Variants in XRN1 observed in about 807,000 individuals in gnomAD.
The protein encoded by XRN1 is 5'-3' exoribonuclease 1.
In XRN1, 67 loss-of-function variants were observed where a neutral mutation model predicts 222.3. That is an observed-to-expected ratio of 0.30 (90% CI 0.25 to 0.37). The LOEUF (loss-of-function observed/expected upper bound fraction) is 0.37, where lower values mean the gene tolerates loss of function less well. XRN1 is among the 10% of genes least tolerant of loss of function. The probability of loss-of-function intolerance (pLI) is 1.00; values close to 1 mark genes in which losing one functional copy is unlikely to be tolerated. For missense variants in XRN1, 1,707 were observed against 2,000.2 expected (o/e 0.85, Z 2.80); for synonymous variants, 643 against 652.4 (o/e 0.99, Z 0.22).
chr3:142,390,316 A>G (rs1383133251), intron 20 of XRN1, among the ~76,000 whole-genome samples: 2 of 152,196 alleles, frequency 1.3e-5, no homozygotes, highest in Non-Finnish European at 2.9e-5. Context: ...TCTTATTCCA[A>G]TAGAAGGCTG....
rs2065010215 is a variant in XRN1, at chr3:142,308,327, T to C, written c.*3184A>G. 1 of 152,108 alleles carries C rather than the reference T, an allele frequency of 6.6e-6. No individual in the cohort carries two copies. The highest frequency in any genetic ancestry group is 1.9e-4 in the East Asian group (1 of 5,188). The allele number at this position is 152,108 out of a possible 1,614,324, so 9.4% of individuals were successfully genotyped here. A position where few individuals can be genotyped will look rare whatever the true frequency, so the allele number is the denominator to read the frequency against. On this transcript the variant is annotated 3_prime_UTR_variant, in exon 41 of 41. Coordinates refer to ENST00000392981, the MANE Select transcript of XRN1 (RefSeq NM_001282857.2). The stretch of plus-strand genomic sequence containing the variant: ...CCTCCTCTCATTAAAACCAAGAATC[T>C]AGCTTAGTTTGGAAGTAGCAGTCTA...
chr3:142,385,768 G>C (rs1026892564), intron 20 of XRN1, among the ~76,000 whole-genome samples: 19 of 151,792 alleles, frequency 1.3e-4, no homozygotes, highest in Admixed American at 6.6e-4. Flanking sequence ...TTAAAATTCT[G>C]ATATTATTTT....
rs1304499532 is a variant in XRN1, at chr3:142,403,988, A to G, written c.1885T>C (p.Tyr629His). The change falls in exon 17 of 41, where the codon TAT becomes CAT. Residue 629 changes from tyrosine (Y) to histidine (H), a missense_variant and splice_region_variant. Coordinates refer to ENST00000392981, the MANE Select transcript of XRN1 (RefSeq NM_001282857.2). ...FPAIERCCTR[Y>H]KIISLDAWRV... ...CAAGCATCTAAGGATATTATTTTAT[A>G]CCTAGAAAATAAATCAAGGCATTTA... 1 of 1,565,526 alleles carries G rather than the reference A, an allele frequency of 6.4e-7. No individual in the cohort carries two copies. Among genetic ancestry groups the G allele is most frequent in the Admixed American group, 1.7e-5 (1 of 58,120 alleles).
At chr3:142,403,125 T>G (rs922350065) in intron 18 of XRN1, among the ~76,000 whole-genome samples, 4 of 152,242 alleles carry the variant, frequency 2.6e-5, no homozygotes, top group African/African-American at 9.6e-5. Flanking sequence ...CGACATAATC[T>G]GGCCTCAATC....
Position 142,308,691 on chromosome 3 carries a change from T to C in XRN1, c.*2820A>G, listed in dbSNP as rs929962852. 6.6e-6 allele frequency: 1 copy of C among 152,156 alleles called. No individual in the cohort carries two copies. The highest frequency in any genetic ancestry group is 1.5e-5 in the Non-Finnish European group (1 of 68,026). The allele number at this position is 152,156 out of a possible 1,614,324, so 9.4% of individuals were successfully genotyped here. ...GAGCAATCTTCAAAATTCACTTAAG[T>C]TGCTCAAAAAAGAAAAAACTTATTG... On this transcript the variant is annotated 3_prime_UTR_variant, in exon 41 of 41. Transcript: ENST00000392981.
chr3:142,430,580 T>C lies in XRN1; in HGVS notation c.308+2081A>G, dbSNP rs544178187. On this transcript the variant is annotated intron_variant, in intron 2 of 40. Coordinates refer to ENST00000392981, the MANE Select transcript of XRN1 (RefSeq NM_001282857.2). ...TTTCAGTATCTTTTTTCTTTTGATA[T>C]TGAAATCAGTACTTTTTGCCATCCT... Among the ~76,000 whole-genome samples, 4 of 152,310 alleles carry C rather than the reference T, an allele frequency of 2.6e-5. No homozygotes were observed. The East Asian group carries it at 7.7e-4, about 29-fold the overall frequency.
rs189527024 is a variant in XRN1 at position 142,306,837 on chromosome 3, A to T, written c.*4674T>A. ...GGCAGACAATGTAAAGATATTTAAA[A>T]TCAAAAATTACAAAATGAGCACATA... On this transcript the variant is annotated 3_prime_UTR_variant, in exon 41 of 41. Transcript: ENST00000392981. 1 of 152,784 alleles carries T rather than the reference A, an allele frequency of 6.5e-6. No homozygotes were observed. The highest frequency in any genetic ancestry group is 2.1e-4 in the South Asian group (1 of 4,826). 9.5% of individuals were successfully genotyped at this position (152,784 alleles called of 1,614,324 possible).
At chr3:142,323,250 G>T (rs556242100) in intron 37 of XRN1, among the ~76,000 whole-genome samples, 1 of 150,936 alleles carries the variant, frequency 6.6e-6, no homozygotes, top group Non-Finnish European at 1.5e-5. Flanking sequence ...ATTCCACACT[G>T]CAACTAACCT....
intron 30 of XRN1, among the ~76,000 whole-genome samples, chr3:142,358,858 G>A (rs896773851): frequency 3.9e-5 from 6 of 151,998 alleles, no homozygotes; most frequent in Admixed American, 2.6e-4. Context: ...GGTTAAAAAA[G>A]GGTAATTAAT....
At chr3:142,407,080 G>C (rs9814159) in intron 15 of XRN1, among the ~76,000 whole-genome samples, 59,752 of 152,028 alleles carry the variant, frequency 0.39, 11,726 homozygotes, top group Middle Eastern at 0.48. Context: ...TGCCTGCTGC[G>C]TAAGTATATC....
chr3:142,356,898 A>C lies in XRN1; in HGVS notation c.3672+14T>G. On this transcript the variant is annotated intron_variant, in intron 31 of 40. Coordinates refer to ENST00000392981, the MANE Select transcript of XRN1 (RefSeq NM_001282857.2). ...AAAAGGGGTAGAGGAGAAGTTAAAG[A>C]CTGAGAGTCTTACTTGAGTAGGAAC... The C allele has an allele frequency of 6.2e-7, 1 of 1,611,912 alleles. No individual in the cohort carries two copies. Among genetic ancestry groups the C allele is most frequent in the Non-Finnish European group, 8.5e-7 (1 of 1,178,210 alleles).
chr3:142,337,070 G>C (rs981776735), intron 33 of XRN1, among the ~76,000 whole-genome samples: 1 of 151,862 alleles, frequency 6.6e-6, no homozygotes, highest in African/African-American at 2.4e-5. Context: ...ATAATATATA[G>C]ATAAATAAAA....
chr3:142,367,282 C>T (rs886623200), intron 27 of XRN1, among the ~76,000 whole-genome samples: 2 of 151,126 alleles, frequency 1.3e-5, no homozygotes, highest in African/African-American at 2.4e-5. Flanking sequence ...ACTGAAACTC[C>T]GTCTCAAAAA....
chr3:142,319,897 G>GGT (rs142722746), intron 37 of XRN1, among the ~76,000 whole-genome samples: 1 of 150,044 alleles, frequency 6.7e-6, no homozygotes, highest in Admixed American at 6.6e-5. Flanking sequence ...AGTAGTACAT[G>GGT]GTGTGTGTAT....
chr3:142,312,005 G>C (rs1169420758), intron 40 of XRN1, among the ~76,000 whole-genome samples, 192 bp from the exon 41 acceptor site: 1 of 152,054 alleles, frequency 6.6e-6, no homozygotes, highest in Non-Finnish European at 1.5e-5. Flanking sequence ...AAAATTCTTG[G>C]GCTGTGTGCA....
chr3:142,402,154 G>A, intron 18 of XRN1, among the ~76,000 whole-genome samples: 1 of 151,892 alleles, frequency 6.6e-6, no homozygotes, highest in East Asian at 1.9e-4. Context: ...CTAGCTCCAG[G>A]TATTTAACTG....
chr3:142,313,072 T>C lies in XRN1; in HGVS notation c.4622-314A>G. Reference sequence around the variant, plus strand: ...TATATTTATAAAAAAAATAAAAGGGTCATGAAATTGTCCCTTGTGAGAGAA... The same window carrying C: ...TATATTTATAAAAAAAATAAAAGGGCCATGAAATTGTCCCTTGTGAGAGAA... On this transcript the variant is annotated intron_variant, in intron 39 of 40. Transcript: ENST00000392981. The C allele has an allele frequency of 1.1e-5, 16 of 1,520,074 alleles. 1 individual carries two copies. In the South Asian group the frequency reaches 2.0e-4, roughly 19 times the overall value. 94.2% of individuals were successfully genotyped at this position (1,520,074 alleles called of 1,614,324 possible).
chr3:142,435,740 G>C (rs1025605865), intron 1 of XRN1, among the ~76,000 whole-genome samples: 1 of 130,012 alleles, frequency 7.7e-6, no homozygotes, highest in African/African-American at 3.0e-5. Context: ...CTTGGCAACA[G>C]AGTGAAACTG....
At chr3:142,385,658 T>C (rs1013873820) in intron 20 of XRN1, among the ~76,000 whole-genome samples, 5 of 152,182 alleles carry the variant, frequency 3.3e-5, no homozygotes, top group African/African-American at 9.6e-5. Context: ...CAGAAGAAGT[T>C]TGCTGACCTT....
Sources: allele counts gnomAD v4.1 joint callset (sites outside exome capture counted in the v4.1 genomes callset), GRCh38; gene constraint gnomAD v4.1.1; transcripts MANE v1.5; gene names NCBI Gene and HGNC (gene_info 2026-07-23, HGNC 2026-07-21).